Variants in SP100 observed in about 807,000 individuals in gnomAD.
SP100 encodes SP100 nuclear body protein, also known as nuclear autoantigen Sp-100.
In SP100, 84 loss-of-function variants were observed where a neutral mutation model predicts 130.0. The ratio of observed to expected loss-of-function variants is 0.65; its 90% CI spans 0.54 to 0.77. The LOEUF (loss-of-function observed/expected upper bound fraction) is 0.77, where lower values mean the gene tolerates loss of function less well. Among genes scored for constraint, SP100 ranks in the 30% least tolerant of loss-of-function variants. The probability of loss-of-function intolerance (pLI) is 0.00; values close to 1 mark genes in which losing one functional copy is unlikely to be tolerated. For missense variants in SP100, 978 were observed against 1,052.2 expected (o/e 0.93, Z 0.97); for synonymous variants, 331 against 351.7 (o/e 0.94, Z 0.66).
At chr2:230,496,902 C>T (rs2066699690) in intron 18 of SP100, among the ~76,000 whole-genome samples, 1 of 152,204 alleles carries the variant, frequency 6.6e-6, no homozygotes, top group Admixed American at 6.5e-5. Flanking sequence ...TCTTCATACC[C>T]TCTCAACATT....
At chr2:230,484,096 G>A (rs1041705229) in intron 17 of SP100, among the ~76,000 whole-genome samples, 3 of 152,082 alleles carry the variant, frequency 2.0e-5, no homozygotes, top group African/African-American at 7.2e-5. Context: ...CATTACACTT[G>A]GGTGCCACTT....
At chr2:230,508,954 C>CACACAT (rs1690368217) in intron 23 of SP100, 3 of 141,212 alleles carry the variant, frequency 2.1e-5, no homozygotes, top group Non-Finnish European at 3.2e-5. Flanking sequence ...CACATACACA[C>CACACAT]ACACACACAC....
chr2:230,458,902 C>T (rs760412412), intron 8 of SP100, among the ~76,000 whole-genome samples: 2 of 152,070 alleles, frequency 1.3e-5, no homozygotes, highest in Non-Finnish European at 2.9e-5. Flanking sequence ...AGGGCCGACT[C>T]AAAGCAGGTA....
chr2:230,446,268 C>A (rs2063707369), intron 4 of SP100, among the ~76,000 whole-genome samples: 2 of 152,166 alleles, frequency 1.3e-5, no homozygotes, highest in African/African-American at 2.4e-5. Flanking sequence ...AACACCACAT[C>A]CAGCTAATTT....
rs376587719 is a variant in SP100 at position 230,478,451 on chromosome 2, T to C, written c.1600+4004T>C. Among the ~76,000 whole-genome samples the C allele has an allele frequency of 3.5e-4, 54 of 152,372 alleles. No homozygotes were observed. The East Asian group carries it at 8.5e-3, about 24-fold the overall frequency. ...AATAGCTCTCCTAAGGACAAGTTTA[T>C]GTTAACATAGAACAGAACAAATCAG... On this transcript the variant is annotated intron_variant, in intron 17 of 28. Coordinates refer to ENST00000340126, the MANE Select transcript of SP100 (RefSeq NM_001080391.2).
chr2:230,419,460 C>T (rs976975444), intron 2 of SP100, among the ~76,000 whole-genome samples: 3 of 152,114 alleles, frequency 2.0e-5, no homozygotes, highest in African/African-American at 7.2e-5. Context: ...TTCAAGGAAC[C>T]CTTATTTTAG....
chr2:230,427,537 T>G (rs2062970461), intron 2 of SP100, among the ~76,000 whole-genome samples: 1 of 152,176 alleles, frequency 6.6e-6, no homozygotes. Context: ...ACTCTATTTC[T>G]TTTGATTAGA....
rs763720767 is a variant in SP100 at position 230,504,164 on chromosome 2, A to G, written c.1766-22A>G. The G allele has an allele frequency of 1.3e-5, 17 of 1,296,726 alleles. No individual in the cohort carries two copies. In the Admixed American group the frequency reaches 1.6e-4, roughly 13 times the overall value. 80.3% of individuals were successfully genotyped at this position (1,296,726 alleles called of 1,614,324 possible). ...ACAGTTGTAAAAGTAGATGGAATGG[A>G]AAAAAAAATGCTTCCTTGCAGGTCC... On this transcript the variant is annotated intron_variant, in intron 20 of 28. Transcript: ENST00000340126.
intron 5 of SP100, 102 bp downstream of exon 5, chr2:230,447,004 G>A: frequency 1.4e-6 from 1 of 692,972 alleles, no homozygotes. Context: ...GGACTATGGA[G>A]AAGTCAAGGA....
chr2:230,515,496 T>G, intron 24 of SP100: 1 of 1,612,486 alleles, frequency 6.2e-7, no homozygotes, highest in African/African-American at 1.3e-5. Flanking sequence ...ACAAAAAGGA[T>G]ATTGCTGCAT....
At chr2:230,483,314 T>C (rs1456277779) in intron 17 of SP100, among the ~76,000 whole-genome samples, 1 of 152,044 alleles carries the variant, frequency 6.6e-6, no homozygotes, top group Admixed American at 6.5e-5. Context: ...CTAAATGCAG[T>C]GAGGGACTAA....
At chr2:230,489,438 G>A (rs562921834) in intron 17 of SP100, among the ~76,000 whole-genome samples, 17 of 151,728 alleles carry the variant, frequency 1.1e-4, no homozygotes, top group African/African-American at 3.9e-4. Context: ...CTATCTAGTG[G>A]TCTATCTATT....
rs996116576 is a variant in SP100, at chr2:230,545,593, T to A, written c.*2647T>A. ...TAAATAAATGGATCATTAAAAAAAA[T>A]TTTAATAATAAAATTGTCTTATCAA... is the stretch of plus-strand genomic sequence containing the variant. On this transcript the variant is annotated 3_prime_UTR_variant, in exon 29 of 29. Transcript: ENST00000340126. Among the ~76,000 whole-genome samples the A allele has an allele frequency of 1.1e-4, 17 of 152,218 alleles. No homozygotes were observed. The highest frequency in any genetic ancestry group is 3.9e-4 in the East Asian group (2 of 5,188).
chr2:230,442,159 TA>T (rs1299017507), intron 2 of SP100, among the ~76,000 whole-genome samples: 1 of 152,214 alleles, frequency 6.6e-6, no homozygotes, highest in African/African-American at 2.4e-5. Context: ...TAAATTTTCA[TA>T]ATATTAAGAA....
At chr2:230,540,842 C>G (rs758111830) in intron 25 of SP100, 34 bp from the exon 26 acceptor site, 1 of 1,583,240 alleles carries the variant, frequency 6.3e-7, no homozygotes, top group Non-Finnish European at 8.6e-7. Context: ...ATTCACAGAA[C>G]CTGCCATTGC....
intron 24 of SP100, among the ~76,000 whole-genome samples, chr2:230,530,281 C>T (rs1302766092): frequency 6.6e-6 from 1 of 152,184 alleles, no homozygotes; most frequent in African/African-American, 2.4e-5. Flanking sequence ...CATCACACAT[C>T]TACAACCATC....
chr2:230,515,151 G>T (rs759750526), intron 24 of SP100: 2 of 1,612,740 alleles, frequency 1.2e-6, no homozygotes, highest in Non-Finnish European at 1.7e-6. Flanking sequence ...AGTTTTTAAA[G>T]AAGTGCTCAG....
chr2:230,471,277 C>G (rs919621915), intron 15 of SP100, among the ~76,000 whole-genome samples: 2 of 152,082 alleles, frequency 1.3e-5, no homozygotes, highest in Non-Finnish European at 2.9e-5. Flanking sequence ...AGAAGGAGAA[C>G]GAAGTGTGGC....
chr2:230,440,658 A>G, intron 2 of SP100: 4 of 1,137,130 alleles, frequency 3.5e-6, no homozygotes, highest in Non-Finnish European at 4.6e-6. Context: ...ATCCAAAAAA[A>G]AGTCCTAAAG....
Sources: allele counts gnomAD v4.1 joint callset (sites outside exome capture counted in the v4.1 genomes callset), GRCh38; gene constraint gnomAD v4.1.1; transcripts MANE v1.5; gene names NCBI Gene and HGNC (gene_info 2026-07-23, HGNC 2026-07-21).